Variants in HECW2 observed in about 807,000 individuals in gnomAD.
The protein encoded by HECW2 is E3 ubiquitin-protein ligase HECW2.
Under a neutral mutation model 175.2 loss-of-function variants are expected in HECW2, and 61 were observed. The ratio of observed to expected loss-of-function variants is 0.35; its 90% CI spans 0.28 to 0.43. The LOEUF is 0.43. Ranked by LOEUF, HECW2 falls within the 20% of genes least tolerant of loss-of-function variation. The pLI is 1.00. For missense variants in HECW2, 1,524 were observed against 2,000.5 expected (o/e 0.76, Z 4.54); for synonymous variants, 671 against 731.0 (o/e 0.92, Z 1.32).
intron 1 of HECW2, among the ~76,000 whole-genome samples, chr2:196,436,628 A>G (rs774248731): frequency 6.6e-6 from 1 of 152,212 alleles, no homozygotes; most frequent in Non-Finnish European, 1.5e-5. Context: ...TGAAAGAACA[A>G]AAAGAGCTAG....
chr2:196,319,620 C>A lies in HECW2; in HGVS notation c.1270G>T (p.Glu424Ter). The A allele has an allele frequency of 6.2e-7, 1 of 1,614,220 alleles. No homozygotes were observed. Among genetic ancestry groups the A allele is most frequent in the Non-Finnish European group, 8.5e-7 (1 of 1,180,040 alleles). The change falls in exon 9 of 29, where the codon GAA (glutamate) becomes TAA (stop). Residue 424 changes from glutamate (E) to a stop codon, truncating the protein, a stop_gained. Coordinates refer to ENST00000644978, the MANE Select transcript of HECW2 (RefSeq NM_001348768.2). LOFTEE classifies it high-confidence loss of function. ...CCCGGCCTGGAGTGGCCATTGTGTT[C>A]GATAGCATCTAAGTAATCATTGAGT... Reference protein sequence around the residue: ...DSLNDYLDAIEHNGHSRPGTA... With the variant: ...DSLNDYLDAI
At chr2:196,333,014 C>T (rs900873346) in intron 4 of HECW2, among the ~76,000 whole-genome samples, 1 of 152,018 alleles carries the variant, frequency 6.6e-6, no homozygotes, top group African/African-American at 2.4e-5. Flanking sequence ...ACACACTATT[C>T]CCTCTGCCTG....
In HECW2 at chr2:196,354,867, A is replaced by G. The variant is rs958930448; in HGVS notation, c.293-11103T>C. Among the ~76,000 whole-genome samples the G allele has an allele frequency of 7.2e-5, 11 of 152,354 alleles. 1 individual carries two copies. In the South Asian group the frequency reaches 1.9e-3, roughly 26 times the overall value. On this transcript the variant is annotated intron_variant, in intron 2 of 28. Transcript: ENST00000644978. ...TTGGTCACACCAAAGCACAAAAAAGATTAAGAGGCTTACCTAAGATCACAT... is the reference window on the plus strand; with the variant it reads ...TTGGTCACACCAAAGCACAAAAAAGGTTAAGAGGCTTACCTAAGATCACAT...
chr2:196,436,492 G>A (rs1018231924), intron 1 of HECW2, among the ~76,000 whole-genome samples: 3 of 151,450 alleles, frequency 2.0e-5, no homozygotes, highest in African/African-American at 7.3e-5. Flanking sequence ...CCTCCTAAGT[G>A]AAAAGCATTA....
chr2:196,553,484 G>C (rs1428845878), intron 1 of HECW2, among the ~76,000 whole-genome samples: 1 of 152,198 alleles, frequency 6.6e-6, no homozygotes, highest in African/African-American at 2.4e-5. Context: ...GACTACTGAG[G>C]AGACAGATAA....
Position 196,292,720 on chromosome 2 carries a change from AC to A in HECW2, c.2844del (p.Cys949ValfsTer2). 6.2e-7 allele frequency: 1 copy of A among 1,613,734 alleles called. No individual in the cohort carries two copies. ...ACTTTGGTGATCATGTGCTTCAAAC[AC>A]GTGTTGTTTGTAAACATGCGGTAGG... ...PSAYRMFTNNTCLKHMITKVR... is the reference protein window; with the variant it reads ...PSAYRMFTNNXCLKHMITKVR... On this transcript the variant is annotated frameshift_variant, in exon 14 of 29. Coordinates refer to ENST00000644978, the MANE Select transcript of HECW2 (RefSeq NM_001348768.2). LOFTEE classifies it high-confidence loss of function.
intron 1 of HECW2, among the ~76,000 whole-genome samples, chr2:196,553,525 A>C (rs1689674120): frequency 1.3e-5 from 2 of 152,242 alleles, no homozygotes; most frequent in Admixed American, 1.3e-4. Context: ...TACAAATGGT[A>C]ATAAGTGTTT....
intron 10 of HECW2, among the ~76,000 whole-genome samples, chr2:196,310,782 G>C (rs1021060476): frequency 1.3e-5 from 2 of 152,106 alleles, no homozygotes; most frequent in African/African-American, 4.8e-5. Context: ...GTGTGTGTGT[G>C]TGTGTGTTTT....
At chr2:196,222,363 A>C (rs779359684) in intron 23 of HECW2, 23 bp from the exon 24 acceptor site, 2 of 1,610,070 alleles carry the variant, frequency 1.2e-6, no homozygotes, top group East Asian at 4.5e-5. Context: ...ACAGACAGAA[A>C]CAAATATGTA....
At chr2:196,308,977 T>C (rs1418974344) in intron 10 of HECW2, among the ~76,000 whole-genome samples, 3 of 152,360 alleles carry the variant, frequency 2.0e-5, no homozygotes, top group East Asian at 1.9e-4. Flanking sequence ...TGTGCATTTA[T>C]ATTTTTGTGT....
intron 1 of HECW2, among the ~76,000 whole-genome samples, chr2:196,507,800 G>C (rs1687819064): frequency 6.6e-6 from 1 of 152,162 alleles, no homozygotes; most frequent in Non-Finnish European, 1.5e-5. Context: ...ATGCTCTACG[G>C]GTGTGTTCCT....
intron 1 of HECW2, among the ~76,000 whole-genome samples, chr2:196,500,653 C>T (rs773996048): frequency 3.9e-5 from 6 of 152,180 alleles, no homozygotes; most frequent in African/African-American, 9.7e-5. Flanking sequence ...TAATTCCTTA[C>T]GTTGAATAAC....
At chr2:196,395,271 C>A (rs6726316) in intron 2 of HECW2, among the ~76,000 whole-genome samples, 5 of 151,918 alleles carry the variant, frequency 3.3e-5, no homozygotes, top group African/African-American at 1.2e-4. Flanking sequence ...GGAAAACATA[C>A]GGTAAAAGCT....
chr2:196,585,729 TG>T (rs912208935), intron 1 of HECW2, among the ~76,000 whole-genome samples: 1 of 151,308 alleles, frequency 6.6e-6, no homozygotes, highest in East Asian at 1.9e-4. Context: ...GAGGAAGGGG[TG>T]GGGGCCTATA....
intron 2 of HECW2, among the ~76,000 whole-genome samples, chr2:196,363,574 T>C (rs906015560): frequency 1.3e-5 from 2 of 152,162 alleles, no homozygotes; most frequent in Non-Finnish European, 2.9e-5. Context: ...CTCACGCCTA[T>C]AATCCAAGCA....
intron 10 of HECW2, among the ~76,000 whole-genome samples, chr2:196,310,768 T>TTGTGTGTGTGTGTGTGTGTGTGTG (rs143340435): frequency 2.7e-4 from 40 of 148,326 alleles, no homozygotes; most frequent in African/African-American, 8.6e-4. Context: ...AGCAACGATT[T>TTGTGTGTGTGTGTGTGTGTGTGTG]TGTGTGTGTG....
intron 28 of HECW2, among the ~76,000 whole-genome samples, chr2:196,212,744 G>A (rs1687336963): frequency 6.6e-6 from 1 of 152,154 alleles, no homozygotes; most frequent in Non-Finnish European, 1.5e-5. Flanking sequence ...TGGTATTTCT[G>A]TTTTTAGATC....
chr2:196,522,126 A>G (rs1270012297), intron 1 of HECW2, among the ~76,000 whole-genome samples: 7 of 152,154 alleles, frequency 4.6e-5, no homozygotes, highest in Non-Finnish European at 8.8e-5. Flanking sequence ...CTATTTCTCC[A>G]CATCCTCTCC....
chr2:196,345,711 G>C (rs1692932232), intron 2 of HECW2, among the ~76,000 whole-genome samples: 1 of 152,196 alleles, frequency 6.6e-6, no homozygotes, highest in Non-Finnish European at 1.5e-5. Flanking sequence ...ATTCTTAACA[G>C]ATATACCCAT....
Sources: gnomAD v4.1 joint callset for allele counts (sites outside exome capture counted in the v4.1 genomes callset) on GRCh38, gnomAD v4.1.1 for gene constraint, MANE v1.5 for transcripts, NCBI Gene and HGNC (gene_info 2026-07-23, HGNC 2026-07-21) for gene names.